The following CDRT4 variants were observed in gnomAD, a reference collection of about 807,000 sequenced individuals.
The protein encoded by CDRT4 is CMT1A duplicated region transcript 4.
For missense variants in CDRT4, 167 were observed against 193.1 expected (o/e 0.87, Z 0.80); for synonymous variants, 64 against 69.6 (o/e 0.92, Z 0.40).
At chr17:15,456,309 C>T (rs76956901) in intron 1 of CDRT4, among the ~76,000 whole-genome samples, 1,600 of 152,008 alleles carry the variant, frequency 0.011, 35 homozygotes, top group African/African-American at 0.037. Flanking sequence ...GGGCAAGATA[C>T]GGGGGGAAGG....
intron 3 of CDRT4, 114 bp from the exon 4 acceptor site, chr17:15,438,314 C>T: frequency 1.1e-6 from 1 of 914,466 alleles, no homozygotes. Context: ...TATTTTGCAC[C>T]CCTTGTATTC....
intron 2 of CDRT4, among the ~76,000 whole-genome samples, chr17:15,447,156 G>A (rs1434439778): frequency 6.6e-6 from 1 of 152,160 alleles, no homozygotes; most frequent in Non-Finnish European, 1.5e-5. Context: ...CAAAAGCAGA[G>A]GCCTCCCAGT....
intron 2 of CDRT4, among the ~76,000 whole-genome samples, chr17:15,448,158 A>C (rs1193706177): frequency 6.6e-6 from 1 of 152,152 alleles, no homozygotes; most frequent in Non-Finnish European, 1.5e-5. Flanking sequence ...GGGCCAAGCC[A>C]CCCCTTTTCA....
intron 2 of CDRT4, among the ~76,000 whole-genome samples, chr17:15,442,418 AAAAAAAAAAG>A (rs1302040420): frequency 6.6e-6 from 1 of 152,046 alleles, no homozygotes; most frequent in South Asian, 2.1e-4. Context: ...TCCAAGAAAA[AAAAAAAAAAG>A]AAAGAAAGAA....
intron 1 of CDRT4, among the ~76,000 whole-genome samples, chr17:15,458,770 G>A (rs753971573): frequency 1.3e-5 from 2 of 152,126 alleles, no homozygotes; most frequent in Non-Finnish European, 2.9e-5. Context: ...TCCCTGCTGT[G>A]GGGGAGCCTG....
rs1250213577 is a variant in CDRT4, at chr17:15,450,441, T to C, written c.-48+2563A>G. Among the ~76,000 whole-genome samples, 1 of 152,202 alleles carries C rather than the reference T, an allele frequency of 6.6e-6. No individual in the cohort carries two copies. The highest frequency in any genetic ancestry group is 2.4e-5 in the African/African-American group (1 of 41,452). Reference sequence around the variant, plus strand: ...TCCACCTTCCAAAATGCAATGGTCATGGATAGAGTTGAGCACTCACTCTCA... The same window carrying C: ...TCCACCTTCCAAAATGCAATGGTCACGGATAGAGTTGAGCACTCACTCTCA... On this transcript the variant is annotated intron_variant, in intron 2 of 3. Coordinates refer to ENST00000619038, the MANE Select transcript of CDRT4 (RefSeq NM_001204477.2). This position sits in a 1 kb window ranked among gnomAD's most constrained non-coding sequence, Gnocchi z 4.2.
chr17:15,442,825 G>A (rs1978831976), intron 2 of CDRT4, among the ~76,000 whole-genome samples: 1 of 152,226 alleles, frequency 6.6e-6, no homozygotes. Context: ...TTGTTTGTTT[G>A]AAAATAACAG....
Position 15,445,678 on chromosome 17 carries a change from C to A in CDRT4, c.-47-5393G>T, listed in dbSNP as rs897897604. On this transcript the variant is annotated intron_variant, in intron 2 of 3. Transcript: ENST00000619038. Reference sequence around the variant, plus strand: ...GTATAACAGGGTCTTCAATGAATCACCTTCCCTGAAATCAGCTGCAGAGTC... The same window carrying A: ...GTATAACAGGGTCTTCAATGAATCAACTTCCCTGAAATCAGCTGCAGAGTC... Among the ~76,000 whole-genome samples the A allele has an allele frequency of 3.3e-5, 5 of 152,154 alleles. No individual in the cohort carries two copies. In the East Asian group the frequency reaches 7.7e-4, roughly 23 times the overall value.
intron 1 of CDRT4, among the ~76,000 whole-genome samples, chr17:15,466,957 G>A (rs1980067948): frequency 6.6e-6 from 1 of 152,148 alleles, no homozygotes; most frequent in African/African-American, 2.4e-5. Context: ...ATTTTTTAAA[G>A]GTATTTACCA....
intron 3 of CDRT4, among the ~76,000 whole-genome samples, chr17:15,438,583 G>A (rs1336267805): frequency 6.6e-6 from 1 of 152,194 alleles, no homozygotes; most frequent in Non-Finnish European, 1.5e-5. Flanking sequence ...GTGCTTGAAA[G>A]CATGGGTTCT....
intron 1 of CDRT4, among the ~76,000 whole-genome samples, chr17:15,459,885 G>C (rs1238429982): frequency 6.6e-6 from 1 of 152,058 alleles, no homozygotes; most frequent in Admixed American, 6.6e-5. Flanking sequence ...CTGTTGGCAA[G>C]GGAGCCAGCA....
chr17:15,454,924 A>T (rs551012946), intron 1 of CDRT4, among the ~76,000 whole-genome samples: 14 of 152,338 alleles, frequency 9.2e-5, no homozygotes, highest in African/African-American at 3.4e-4. Flanking sequence ...ATGATCCATA[A>T]GGAGCTTTGT....
At chr17:15,444,986 G>A (rs1978952348) in intron 2 of CDRT4, among the ~76,000 whole-genome samples, 1 of 152,136 alleles carries the variant, frequency 6.6e-6, no homozygotes, top group African/African-American at 2.4e-5. Flanking sequence ...CAAATCTAAT[G>A]ATCTCACCCT....
At chr17:15,458,418 G>A (rs1046803696) in intron 1 of CDRT4, among the ~76,000 whole-genome samples, 8 of 152,092 alleles carry the variant, frequency 5.3e-5, no homozygotes, top group South Asian at 2.1e-4. Flanking sequence ...GTGGAGGGGG[G>A]AACCTTCACA....
intron 1 of CDRT4, among the ~76,000 whole-genome samples, chr17:15,458,823 C>T (rs2150797518): frequency 6.6e-6 from 1 of 152,206 alleles, no homozygotes; most frequent in Admixed American, 6.5e-5. Context: ...TCTGGGATCA[C>T]CATCACCAGC....
chr17:15,460,762 C>T (rs1220625775), intron 1 of CDRT4, among the ~76,000 whole-genome samples: 1 of 152,182 alleles, frequency 6.6e-6, no homozygotes, highest in Non-Finnish European at 1.5e-5. Flanking sequence ...CTCCCCAACA[C>T]AAACATCCCT....
At position 15,440,285 on chromosome 17, in the gene CDRT4, C is replaced by T. The variant is rs371626202; in HGVS notation, c.-47G>A. 886 of 1,611,090 alleles carry T rather than the reference C, an allele frequency of 5.5e-4. 5 individuals carry two copies. Among genetic ancestry groups the T allele is most frequent in the South Asian group, 1.7e-3 (159 of 91,056 alleles). Reference sequence around the variant, plus strand: ...TTTCTTAACATCACAGGTTCAGATTCCTATGGGAAAATACACTTGTTAGCC... The same window carrying T: ...TTTCTTAACATCACAGGTTCAGATTTCTATGGGAAAATACACTTGTTAGCC... On this transcript the variant is annotated splice_region_variant and 5_prime_UTR_variant, in exon 3 of 4. Transcript: ENST00000619038.
intron 3 of CDRT4, 126 bp downstream of exon 3, chr17:15,440,082 G>A (rs1978685307): frequency 1.3e-6 from 1 of 784,500 alleles, no homozygotes; most frequent in African/African-American, 1.8e-5. Context: ...AGAACTTTAA[G>A]TATAATAAAA....
At chr17:15,467,221 C>T (rs113669784) in intron 1 of CDRT4, among the ~76,000 whole-genome samples, 98 of 152,274 alleles carry the variant, frequency 6.4e-4, no homozygotes, top group Middle Eastern at 3.4e-3. Flanking sequence ...AGGAATGGGA[C>T]GAGCTTGTTG....
Sources: allele counts gnomAD v4.1 joint callset (sites outside exome capture counted in the v4.1 genomes callset), GRCh38; gene constraint gnomAD v4.1.1; non-coding constraint Gnocchi (gnomAD v3.1); transcripts MANE v1.5; gene names NCBI Gene and HGNC (gene_info 2026-07-23, HGNC 2026-07-21).